The following BMPER variants were observed in gnomAD, a reference collection of about 807,000 sequenced individuals.
The protein encoded by BMPER is BMP binding endothelial regulator, also known as BMP-binding endothelial regulator protein.
Under a neutral mutation model 87.3 loss-of-function variants are expected in BMPER, and 45 were observed. That is an observed-to-expected ratio of 0.52 (90% CI 0.41 to 0.66). BMPER has a LOEUF of 0.66. BMPER is among the 30% of genes least tolerant of loss of function. The probability of loss-of-function intolerance (pLI) is 0.00; values close to 1 mark genes in which losing one functional copy is unlikely to be tolerated. For missense variants in BMPER, 784 were observed against 867.5 expected (o/e 0.90, Z 1.21); for synonymous variants, 326 against 316.2 (o/e 1.03, Z -0.33).
chr7:34,143,304 G>A lies in BMPER; in HGVS notation c.1820G>A (p.Arg607Gln), dbSNP rs142055675. ...CYCESFLAYT[R>Q]ACQREGIKVH... Reference sequence around the variant, plus strand: ...TGCGAGTCATTTTTGGCATATACCCGGGCCTGCCAGAGAGAGGGCATCAAA... The same window carrying A: ...TGCGAGTCATTTTTGGCATATACCCAGGCCTGCCAGAGAGAGGGCATCAAA... The change falls in exon 14 of 15, where the codon CGG becomes CAG. Residue 607 changes from arginine (R) to glutamine (Q), a missense_variant. Physicochemically the swap from Arg to Gln is conservative, Grantham distance 43 (BLOSUM62 1). Transcript: ENST00000649409. 73 of 1,613,870 alleles carry A rather than the reference G, an allele frequency of 4.5e-5. No homozygotes were observed. Among genetic ancestry groups the A allele is most frequent in the Non-Finnish European group, 5.7e-5 (67 of 1,179,958 alleles).
At chr7:34,070,199 A>G (rs1788700835) in intron 11 of BMPER, among the ~76,000 whole-genome samples, 1 of 152,110 alleles carries the variant, frequency 6.6e-6, no homozygotes, top group Admixed American at 6.5e-5. Context: ...AAAGTATTGC[A>G]TTTGAATTTT....
intron 6 of BMPER, among the ~76,000 whole-genome samples, chr7:33,992,254 G>C (rs1436441772): frequency 7.6e-6 from 1 of 131,654 alleles, no homozygotes; most frequent in Non-Finnish European, 1.6e-5. Context: ...GGGAGTCTAA[G>C]TCTCTTTGTA....
chr7:33,974,685 T>A lies in BMPER; in HGVS notation c.494-17T>A, dbSNP rs752634502. 11 of 1,612,870 alleles carry A rather than the reference T, an allele frequency of 6.8e-6. No homozygotes were observed. In the South Asian group the frequency reaches 1.2e-4, roughly 18 times the overall value. ...GATGGCTGTTGCCCTAATTCTAAACTCTTGTCTGCTTTCCAGGCTGTGTGT... is the reference window on the plus strand; with the variant it reads ...GATGGCTGTTGCCCTAATTCTAAACACTTGTCTGCTTTCCAGGCTGTGTGT... On this transcript the variant is annotated splice_polypyrimidine_tract_variant and intron_variant, in intron 5 of 14. Coordinates refer to ENST00000649409, the MANE Select transcript of BMPER (RefSeq NM_001365308.1).
At position 34,074,614 on chromosome 7, in the gene BMPER, G is replaced by A. The variant is rs11984120; in HGVS notation, c.1079-4243G>A. On this transcript the variant is annotated intron_variant, in intron 11 of 14. Coordinates refer to ENST00000649409, the MANE Select transcript of BMPER (RefSeq NM_001365308.1). ...GTTTGGACTGAAAAGGTTTAAAGCC[G>A]TGTTTTTTTATGTGTTGGGCTTCCT... 7.6e-3 allele frequency among the ~76,000 whole-genome samples: 1,154 copies of A among 152,294 alleles called. 18 individuals are homozygous for A. The highest frequency in any genetic ancestry group is 0.026 in the African/African-American group (1,095 of 41,556).
chr7:34,059,276 G>C (rs1788368089), intron 10 of BMPER, among the ~76,000 whole-genome samples: 1 of 152,168 alleles, frequency 6.6e-6, no homozygotes, highest in Non-Finnish European at 1.5e-5. Context: ...ACAGGATGCT[G>C]TGCCAACCTG....
intron 13 of BMPER, among the ~76,000 whole-genome samples, chr7:34,119,559 T>A (rs902674594): frequency 1.3e-5 from 2 of 152,180 alleles, no homozygotes; most frequent in Admixed American, 1.3e-4. Flanking sequence ...TGCTTTCTGA[T>A]CTCTTGTTTC....
intron 11 of BMPER, among the ~76,000 whole-genome samples, chr7:34,067,724 CAG>C (rs1337540240): frequency 2.6e-5 from 4 of 152,174 alleles, no homozygotes; most frequent in South Asian, 4.1e-4. Context: ...AAACAGCAGA[CAG>C]GGGTGGCAAA....
rs935286481 is a variant in BMPER, at chr7:34,008,831, C to CT, written c.576+34054dup. Among the ~76,000 whole-genome samples, 4 of 151,804 alleles carry CT rather than the reference C, an allele frequency of 2.6e-5. No homozygotes were observed. In the South Asian group the frequency reaches 8.3e-4, roughly 32 times the overall value. On this transcript the variant is annotated intron_variant, in intron 6 of 14. Coordinates refer to ENST00000649409, the MANE Select transcript of BMPER (RefSeq NM_001365308.1). ...AGCCCTACTTTCTTTTTTTTGTTTA[C>CT]TTTTTTTCTTTTTAATTATTATTTC...
chr7:33,958,400 A>G (rs1785196289), intron 3 of BMPER, among the ~76,000 whole-genome samples: 1 of 152,226 alleles, frequency 6.6e-6, no homozygotes, highest in South Asian at 2.1e-4. Context: ...GGCTTAGCAT[A>G]GTTGGTAGCC....
chr7:34,017,141 A>C (rs576617388), intron 6 of BMPER, among the ~76,000 whole-genome samples: 9 of 151,910 alleles, frequency 5.9e-5, no homozygotes, highest in Non-Finnish European at 8.8e-5. Context: ...GTGGTCTCTG[A>C]CGAAGACTGA....
At chr7:33,990,513 G>T (rs1365535554) in intron 6 of BMPER, among the ~76,000 whole-genome samples, 4 of 148,402 alleles carry the variant, frequency 2.7e-5, no homozygotes, top group African/African-American at 9.9e-5. Context: ...AGGAGATTTT[G>T]GGCTGAGACA....
chr7:33,921,865 C>T lies in BMPER; in HGVS notation c.219+14962C>T, dbSNP rs772129122. On this transcript the variant is annotated intron_variant, in intron 2 of 14. Transcript: ENST00000649409. ...GCCAGCTGCATCTGGAGGAACCAGA[C>T]GCAAACAACGCAGAGTTGAGGGCCA... 51 of 470,612 alleles carry T rather than the reference C, an allele frequency of 1.1e-4. 1 individual carries two copies. The highest frequency in any genetic ancestry group is 7.4e-4 in the African/African-American group (37 of 50,008). 29.2% of individuals were successfully genotyped at this position (470,612 alleles called of 1,614,324 possible).
At chr7:34,061,958 T>C in intron 10 of BMPER, 44 bp from the exon 11 acceptor site, 1 of 1,494,752 alleles carries the variant, frequency 6.7e-7, no homozygotes. Context: ...CTGTTTTTTT[T>C]TTTTTTTAAA....
intron 4 of BMPER, 135 bp from the exon 5 acceptor site, chr7:33,970,194 A>C (rs996618536): frequency 2.5e-6 from 2 of 810,420 alleles, no homozygotes; most frequent in Non-Finnish European, 4.3e-6. Context: ...TTGGTGTCTC[A>C]TACCTCTCGC....
At chr7:33,921,116 C>G (rs1784220189) in intron 2 of BMPER, among the ~76,000 whole-genome samples, 1 of 152,190 alleles carries the variant, frequency 6.6e-6, no homozygotes, top group Non-Finnish European at 1.5e-5. Context: ...ACTCCTCTCT[C>G]CTCTAGATTT....
chr7:33,945,320 G>A lies in BMPER; in HGVS notation c.319+7932G>A, dbSNP rs1784866607. ...GGCTGTAGTGCAGTGGTGCAATCTT[G>A]GCTCACTGCAACCTTCGACTCCTGG... is the stretch of plus-strand genomic sequence containing the variant. On this transcript the variant is annotated intron_variant, in intron 3 of 14. Transcript: ENST00000649409. Among the ~76,000 whole-genome samples, 3 of 138,832 alleles carry A rather than the reference G, an allele frequency of 2.2e-5. No individual in the cohort carries two copies. In the Admixed American group the frequency reaches 2.4e-4, roughly 11 times the overall value. The allele number at this position is 138,832 out of a possible 152,430, so 91.1% of individuals were successfully genotyped here. A position where few individuals can be genotyped will look rare whatever the true frequency, so the allele number is the denominator to read the frequency against.
intron 13 of BMPER, among the ~76,000 whole-genome samples, chr7:34,131,579 G>C (rs1209265087): frequency 6.6e-6 from 1 of 152,196 alleles, no homozygotes; most frequent in African/African-American, 2.4e-5. Context: ...CCCCTTTGAA[G>C]CAGGGGGCTG....
At chr7:33,956,612 A>G (rs1471209098) in intron 3 of BMPER, among the ~76,000 whole-genome samples, 1 of 151,932 alleles carries the variant, frequency 6.6e-6, no homozygotes, top group Non-Finnish European at 1.5e-5. Context: ...CACCCCTGAG[A>G]CAGCAAGACC....
chr7:33,913,660 TAGAA>T (rs778791755), intron 2 of BMPER, among the ~76,000 whole-genome samples: 14 of 152,192 alleles, frequency 9.2e-5, no homozygotes, highest in Admixed American at 2.0e-4. Context: ...AATATTTTGA[TAGAA>T]AGACTCCAAA....
Sources: gnomAD v4.1 joint callset for allele counts (sites outside exome capture counted in the v4.1 genomes callset) on GRCh38, gnomAD v4.1.1 for gene constraint, MANE v1.5 for transcripts, NCBI Gene and HGNC (gene_info 2026-07-23, HGNC 2026-07-21) for gene names.